RBL1: variants seen among roughly 807,000 people sequenced by gnomAD.
The protein encoded by RBL1 is RB transcriptional corepressor like 1, also known as retinoblastoma-like protein 1.
RBL1 carries 82 observed loss-of-function variants against 123.0 expected under a neutral mutation model. That is an observed-to-expected ratio of 0.67 (90% confidence interval 0.56 to 0.80). The LOEUF (loss-of-function observed/expected upper bound fraction) is 0.80, where lower values mean the gene tolerates loss of function less well. Among genes scored for constraint, RBL1 ranks in the 30% least tolerant of loss-of-function variants. RBL1 has a pLI of 0.00. For synonymous variants in RBL1, 405 were observed against 441.3 expected (o/e 0.92, Z 1.03); for missense variants, 1,171 against 1,299.6 (o/e 0.90, Z 1.52).
chr20:37,035,362 C>G lies in RBL1; in HGVS notation c.2050G>C (p.Ala684Pro), dbSNP rs374420710. 1 of 1,614,036 alleles carries G rather than the reference C, an allele frequency of 6.2e-7. No homozygotes were observed. Among genetic ancestry groups the G allele is most frequent in the South Asian group, 1.1e-5 (1 of 91,082 alleles). Reference sequence around the variant, plus strand: ...TCAGCAGTAATGCTTGAAGAAGGAGCGATTTTCAATTTTGTTCCTTCTGTT... The same window carrying G: ...TCAGCAGTAATGCTTGAAGAAGGAGGGATTTTCAATTTTGTTCCTTCTGTT... Reference protein sequence around the residue: ...IITEGTKLKIAPSSSITAENV... With the variant: ...IITEGTKLKIPPSSSITAENV... Residue 684 changes from alanine to proline, a missense_variant, in exon 15 of 22, where the codon GCT becomes CCT. Transcript: ENST00000373664.
intron 15 of RBL1, among the ~76,000 whole-genome samples, chr20:37,034,309 A>C (rs1328554886): frequency 6.6e-6 from 1 of 152,166 alleles, no homozygotes; most frequent in Non-Finnish European, 1.5e-5. Flanking sequence ...AAAAAAAGCA[A>C]ATTTTGTTCT....
At chr20:37,020,550 G>A in intron 18 of RBL1, 109 bp downstream of exon 18, 1 of 772,230 alleles carries the variant, frequency 1.3e-6, no homozygotes, top group Admixed American at 3.2e-5. Flanking sequence ...CATTAAAACA[G>A]AAAATCTGAA....
intron 14 of RBL1, among the ~76,000 whole-genome samples, chr20:37,039,119 C>G (rs2064680122): frequency 6.6e-6 from 1 of 152,154 alleles, no homozygotes; most frequent in Non-Finnish European, 1.5e-5. Context: ...ATACACACAT[C>G]AGCTCGCTAC....
intron 2 of RBL1, among the ~76,000 whole-genome samples, chr20:37,069,708 G>A (rs1267989440): frequency 4.6e-5 from 7 of 151,954 alleles, no homozygotes; most frequent in Non-Finnish European, 8.8e-5. Flanking sequence ...GAAGTGAGGA[G>A]CGTCTCCGCC....
chr20:37,045,353 G>A (rs1464191664), intron 12 of RBL1, among the ~76,000 whole-genome samples: 4 of 151,946 alleles, frequency 2.6e-5, no homozygotes, highest in African/African-American at 7.2e-5. Flanking sequence ...TGATCCGCCC[G>A]CCTTGGCCTC....
intron 21 of RBL1, among the ~76,000 whole-genome samples, chr20:36,999,899 C>G (rs1382774797): frequency 3.3e-5 from 5 of 152,154 alleles, no homozygotes; most frequent in Non-Finnish European, 5.9e-5. Flanking sequence ...ATTGCAGACT[C>G]TGCCCGGCCG....
intron 11 of RBL1, among the ~76,000 whole-genome samples, chr20:37,051,763 T>A (rs2064918080): frequency 6.6e-6 from 1 of 151,578 alleles, no homozygotes; most frequent in Admixed American, 6.6e-5. Flanking sequence ...AATGGCAGAC[T>A]TAAGTGCTAA....
intron 13 of RBL1, among the ~76,000 whole-genome samples, chr20:37,040,901 C>T (rs1187524898): frequency 1.3e-5 from 2 of 152,158 alleles, no homozygotes; most frequent in African/African-American, 2.4e-5. Flanking sequence ...CCCAAGGTCA[C>T]ACAACTAGTA....
rs766840598 is a variant in RBL1 at position 36,998,757 on chromosome 20, C to T, written c.*2G>A. The T allele has an allele frequency of 4.8e-5, 77 of 1,607,074 alleles. No homozygotes were observed. The highest frequency in any genetic ancestry group is 8.5e-7 in the Non-Finnish European group (1 of 1,176,360). ...GCTTTTATCATAGAAACAAGAACAA[C>T]ATTAATGATTTGCTCTTTCACTGAC... On this transcript the variant is annotated 3_prime_UTR_variant, in exon 22 of 22. Coordinates refer to ENST00000373664, the MANE Select transcript of RBL1 (RefSeq NM_002895.5).
intron 7 of RBL1, 81 bp downstream of exon 7, chr20:37,065,343 T>C: frequency 3.7e-6 from 4 of 1,075,820 alleles, no homozygotes; most frequent in Non-Finnish European, 5.4e-6. Flanking sequence ...TTTGATATAC[T>C]GTTATGCTTA....
At chr20:37,065,379 T>C (rs199898187) in intron 7 of RBL1, 45 bp downstream of exon 7, 1 of 1,379,260 alleles carries the variant, frequency 7.3e-7, no homozygotes, top group African/African-American at 1.5e-5. Context: ...TCAACAAATA[T>C]GACAGCTTGT....
chr20:37,079,015 T>C (rs2065406996), intron 2 of RBL1, among the ~76,000 whole-genome samples: 1 of 151,898 alleles, frequency 6.6e-6, no homozygotes, highest in Non-Finnish European at 1.5e-5. Flanking sequence ...CTTGGTAACA[T>C]GGCAAACCCC....
intron 13 of RBL1, among the ~76,000 whole-genome samples, 155 bp from the exon 14 acceptor site, chr20:37,040,440 C>T (rs528859766): frequency 1.2e-4 from 19 of 152,290 alleles, no homozygotes; most frequent in Non-Finnish European, 2.1e-4. Context: ...CAACCTCCAA[C>T]GCCCGGGGTT....
Position 37,035,366 on chromosome 20 carries a change from T to C in RBL1, c.2046A>G (p.Lys682=), listed in dbSNP as rs1406301399. The C allele has an allele frequency of 1.9e-6, 3 of 1,614,182 alleles. No individual in the cohort carries two copies. Among genetic ancestry groups the C allele is most frequent in the Non-Finnish European group, 2.5e-6 (3 of 1,180,026 alleles). The change falls in exon 15 of 22, where the codon AAA becomes AAG. Residue 682 remains lysine (K), a synonymous_variant. Coordinates refer to ENST00000373664, the MANE Select transcript of RBL1 (RefSeq NM_002895.5). ...DKIITEGTKL[K]IAPSSSITAE... ...CAGTAATGCTTGAAGAAGGAGCGAT[T>C]TTCAATTTTGTTCCTTCTGTTATGA...
intron 19 of RBL1, among the ~76,000 whole-genome samples, chr20:37,008,699 A>G (rs1362430972): frequency 6.6e-6 from 1 of 152,228 alleles, no homozygotes; most frequent in African/African-American, 2.4e-5. Context: ...CATTGAGAAC[A>G]TGGGTAGAAG....
intron 3 of RBL1, among the ~76,000 whole-genome samples, chr20:37,067,766 C>CAAAAAAAAAAAAAA (rs1168742059): frequency 1.6e-5 from 1 of 62,686 alleles, no homozygotes; most frequent in African/African-American, 5.3e-5. Flanking sequence ...TGAGACTCCT[C>CAAAAAAAAAAAAAA]AAAAAAAAAA....
chr20:37,088,003 G>A (rs1022371426), intron 2 of RBL1, among the ~76,000 whole-genome samples: 1 of 152,150 alleles, frequency 6.6e-6, no homozygotes, highest in Non-Finnish European at 1.5e-5. Flanking sequence ...GCTGGCTCAC[G>A]CCTGTAATCC....
intron 21 of RBL1, among the ~76,000 whole-genome samples, chr20:37,001,278 G>C (rs1284545828): frequency 1.3e-5 from 2 of 152,106 alleles, no homozygotes; most frequent in Non-Finnish European, 2.9e-5. Flanking sequence ...AGCTCATTGA[G>C]AACCGGCCAT....
At chr20:37,072,211 G>A (rs2065292988) in intron 2 of RBL1, among the ~76,000 whole-genome samples, 1 of 152,238 alleles carries the variant, frequency 6.6e-6, no homozygotes, top group Non-Finnish European at 1.5e-5. Flanking sequence ...GCTCACGCCT[G>A]TAATCCCAGC....
Sources: gnomAD v4.1 joint callset for allele counts (sites outside exome capture counted in the v4.1 genomes callset) on GRCh38, gnomAD v4.1.1 for gene constraint, MANE v1.5 for transcripts, NCBI Gene and HGNC (gene_info 2026-07-23, HGNC 2026-07-21) for gene names.